The following TBC1D5 variants were observed in gnomAD, a reference collection of about 807,000 sequenced individuals.
TBC1D5 encodes TBC1 domain family, member 5.
Under a neutral mutation model 100.3 loss-of-function variants are expected in TBC1D5, and 75 were observed. The ratio of observed to expected loss-of-function variants is 0.75; its 90% CI spans 0.62 to 0.91. The LOEUF is 0.91. Ranked by LOEUF, TBC1D5 falls within the 40% of genes least tolerant of loss-of-function variation. The pLI is 0.00. For missense variants in TBC1D5, 910 were observed against 942.4 expected, an observed-to-expected ratio of 0.97 and a Z score of 0.45; for synonymous variants, 323 against 325.6, an observed-to-expected ratio of 0.99 and a Z score of 0.09.
intron 2 of TBC1D5, among the ~76,000 whole-genome samples, chr3:17,571,693 C>A (rs2096628255): frequency 6.6e-6 from 1 of 152,002 alleles, no homozygotes; most frequent in African/African-American, 2.4e-5. Context: ...TACTCTACAC[C>A]TAATTTCCTG....
chr3:17,718,655 T>C (rs953761027), intron 1 of TBC1D5, among the ~76,000 whole-genome samples: 1 of 152,148 alleles, frequency 6.6e-6, no homozygotes, highest in Non-Finnish European at 1.5e-5. Flanking sequence ...CAAATCAATG[T>C]TAAGTATATT....
rs1351187154 is a variant in TBC1D5 at position 17,516,525 on chromosome 3, C to T, written c.-35-7920G>A. On this transcript the variant is annotated intron_variant, in intron 2 of 21. Transcript: ENST00000253692. ...TACAGCAGAAATTGTCATTCACCAACCTTATTAAGCAATCCTTGATACATC... is the reference window on the plus strand; with the variant it reads ...TACAGCAGAAATTGTCATTCACCAATCTTATTAAGCAATCCTTGATACATC... Among the ~76,000 whole-genome samples the T allele has an allele frequency of 4.6e-5, 7 of 152,068 alleles. No individual in the cohort carries two copies. In the South Asian group the frequency reaches 1.2e-3, roughly 27 times the overall value.
intron 3 of TBC1D5, among the ~76,000 whole-genome samples, chr3:17,505,782 G>A (rs771719116): frequency 6.6e-6 from 1 of 152,048 alleles, no homozygotes; most frequent in Non-Finnish European, 1.5e-5. Flanking sequence ...CTAGTAACTT[G>A]TCAGTTATTA....
intron 1 of TBC1D5, among the ~76,000 whole-genome samples, chr3:17,625,310 G>A (rs1054720524): frequency 1.3e-5 from 2 of 152,054 alleles, no homozygotes; most frequent in Admixed American, 6.6e-5. Context: ...ATACATGTAA[G>A]TATGTAGGAG....
chr3:17,653,278 A>G (rs2065755636), intron 1 of TBC1D5, among the ~76,000 whole-genome samples: 1 of 152,130 alleles, frequency 6.6e-6, no homozygotes, highest in Non-Finnish European at 1.5e-5. Context: ...TTTATGTTAT[A>G]TGAATTTTAT....
rs943243758 is a variant in TBC1D5, at chr3:17,381,083, A to G, written c.612+2830T>C. Among the ~76,000 whole-genome samples, 5 of 152,112 alleles carry G rather than the reference A, an allele frequency of 3.3e-5. No homozygotes were observed. In the East Asian group the frequency reaches 7.7e-4, roughly 23 times the overall value. ...TTAAACATGTACAGGGAGTAATTAA[A>G]TATTTTAAAATGACACCCAGGAGTA... is the stretch of plus-strand genomic sequence containing the variant. On this transcript the variant is annotated intron_variant, in intron 9 of 21. Coordinates refer to ENST00000253692, the Ensembl canonical transcript of TBC1D5.
At chr3:17,291,983 T>C (rs760131311) in exon 15 of TBC1D5, 3 of 1,613,804 alleles carry the variant, frequency 1.9e-6, no homozygotes, top group Admixed American at 1.7e-5. Context: ...GAGACAGGTC[T>C]GGTAGTTACT....
At chr3:17,185,957 T>A (rs1294688890) in intron 18 of TBC1D5, among the ~76,000 whole-genome samples, 1 of 149,162 alleles carries the variant, frequency 6.7e-6, no homozygotes, top group Non-Finnish European at 1.5e-5. Context: ...GAAGCCTTTT[T>A]TTCTTTTCTT....
chr3:17,337,717 AC>A (rs2088154176), intron 13 of TBC1D5: 1 of 152,320 alleles, frequency 6.6e-6, no homozygotes, highest in African/African-American at 2.4e-5. Context: ...TGAATAAATA[AC>A]ATCTCTATAT....
intron 3 of TBC1D5, among the ~76,000 whole-genome samples, chr3:17,470,688 G>A (rs964435468): frequency 1.1e-4 from 16 of 152,074 alleles, no homozygotes; most frequent in South Asian, 8.3e-4. Flanking sequence ...TTGGGAGGCC[G>A]GGGTGGGTGA....
chr3:17,196,584 G>C (rs1341057972), intron 18 of TBC1D5, among the ~76,000 whole-genome samples: 2 of 152,208 alleles, frequency 1.3e-5, no homozygotes, highest in Non-Finnish European at 2.9e-5. Flanking sequence ...CTAGGGAGAA[G>C]GGCTCCTGCA....
chr3:17,678,453 T>C (rs2068932278), intron 1 of TBC1D5, among the ~76,000 whole-genome samples: 1 of 151,650 alleles, frequency 6.6e-6, no homozygotes, highest in Non-Finnish European at 1.5e-5. Context: ...GACAAAAAAG[T>C]GGAAGTGGAG....
In TBC1D5 at chr3:17,721,692, A is replaced by C. The variant is rs181852521; in HGVS notation, c.-101+17651T>G. Among the ~76,000 whole-genome samples, 13 of 151,360 alleles carry C rather than the reference A, an allele frequency of 8.6e-5. No individual in the cohort carries two copies. In the East Asian group the frequency reaches 2.5e-3, roughly 29 times the overall value. On this transcript the variant is annotated intron_variant, in intron 1 of 21. Transcript: ENST00000253692. ...GTCTCAAAAAATAGTAATAATAATA[A>C]TAATGTGGCTGGGCATGGTGGCTCA...
chr3:17,188,957 C>T (rs2069511908), intron 18 of TBC1D5, among the ~76,000 whole-genome samples: 1 of 152,108 alleles, frequency 6.6e-6, no homozygotes, highest in African/African-American at 2.4e-5. Context: ...ATGTGTATGT[C>T]CTGCCTTCCA....
At chr3:17,189,464 G>T (rs1343740260) in intron 18 of TBC1D5, among the ~76,000 whole-genome samples, 1 of 152,138 alleles carries the variant, frequency 6.6e-6, no homozygotes, top group East Asian at 1.9e-4. Flanking sequence ...GTGCCCTATA[G>T]CAAAGGACCA....
intron 1 of TBC1D5, among the ~76,000 whole-genome samples, chr3:17,686,586 G>A (rs1406980635): frequency 6.6e-6 from 1 of 152,038 alleles, no homozygotes; most frequent in Non-Finnish European, 1.5e-5. Flanking sequence ...TATGTATACT[G>A]CCTACAGTGC....
intron 2 of TBC1D5, among the ~76,000 whole-genome samples, chr3:17,566,299 C>A (rs951379480): frequency 6.6e-6 from 1 of 151,658 alleles, no homozygotes; most frequent in African/African-American, 2.4e-5. Flanking sequence ...GTTTTGACAC[C>A]AAGAGGCAGA....
At chr3:17,163,156 T>G (rs1197033416) in intron 21 of TBC1D5, among the ~76,000 whole-genome samples, 1 of 152,238 alleles carries the variant, frequency 6.6e-6, no homozygotes, top group Non-Finnish European at 1.5e-5. Context: ...ACTGTAGTTA[T>G]CTGGCATGCT....
intron 15 of TBC1D5, among the ~76,000 whole-genome samples, chr3:17,278,539 A>AT (rs2080256160): frequency 1.3e-5 from 2 of 152,190 alleles, no homozygotes; most frequent in African/African-American, 4.8e-5. Context: ...TTACAGTGGT[A>AT]TTTTTTAAAC....
Sources: allele counts gnomAD v4.1 joint callset (sites outside exome capture counted in the v4.1 genomes callset), GRCh38; gene constraint gnomAD v4.1.1; transcripts MANE v1.5; gene names NCBI Gene and HGNC (gene_info 2026-07-23, HGNC 2026-07-21).